Variants in TACR3 observed in about 807,000 individuals in gnomAD.
TACR3 encodes the protein neuromedin-K receptor.
A neutral mutation model predicts 35.0 loss-of-function variants in TACR3; 34 were observed. That is an observed-to-expected ratio of 0.97 (90% CI 0.74 to 1.30). TACR3 has a LOEUF of 1.30. Among genes scored for constraint, TACR3 ranks in the 50% most tolerant of loss-of-function variants. TACR3 has a pLI of 0.00. For missense variants in TACR3, 558 were observed against 591.7 expected (o/e 0.94, Z 0.59); for synonymous variants, 233 against 221.1 (o/e 1.05, Z -0.48).
chr4:103,660,870 C>A (rs1725827363), intron 1 of TACR3, among the ~76,000 whole-genome samples: 1 of 151,758 alleles, frequency 6.6e-6, no homozygotes, highest in African/African-American at 2.4e-5. Context: ...GATTGTTAAC[C>A]ATAACTAGGG....
intron 1 of TACR3, among the ~76,000 whole-genome samples, chr4:103,693,245 TTAATGTA>T (rs1472923426): frequency 1.3e-5 from 2 of 152,190 alleles, no homozygotes; most frequent in African/African-American, 2.4e-5. Flanking sequence ...ATATCACTGA[TTAATGTA>T]TATTCTAAGA....
intron 1 of TACR3, among the ~76,000 whole-genome samples, chr4:103,709,030 T>A (rs181133565): frequency 1.3e-5 from 2 of 152,302 alleles, no homozygotes; most frequent in African/African-American, 4.8e-5. Context: ...CTACCTCTGA[T>A]TGGTGTACCT....
chr4:103,680,923 AC>A, intron 1 of TACR3, among the ~76,000 whole-genome samples: 1 of 151,612 alleles, frequency 6.6e-6, no homozygotes, highest in Non-Finnish European at 1.5e-5. Context: ...TCAAAAGAAA[AC>A]TCTAATTATA....
At chr4:103,686,783 C>A (rs1038203168) in intron 1 of TACR3, among the ~76,000 whole-genome samples, 1 of 152,064 alleles carries the variant, frequency 6.6e-6, no homozygotes. Flanking sequence ...CTTTTTAGGA[C>A]CAGATGGATT....
At chr4:103,672,910 C>T (rs751666731) in intron 1 of TACR3, among the ~76,000 whole-genome samples, 1 of 152,208 alleles carries the variant, frequency 6.6e-6, no homozygotes, top group Non-Finnish European at 1.5e-5. Context: ...AGATAACTTG[C>T]TGCAGCTTTT....
At chr4:103,698,872 C>G (rs1233202731) in intron 1 of TACR3, among the ~76,000 whole-genome samples, 1 of 152,056 alleles carries the variant, frequency 6.6e-6, no homozygotes. Context: ...TTGATCATTG[C>G]ACATTGTATG....
intron 1 of TACR3, among the ~76,000 whole-genome samples, chr4:103,680,418 T>C (rs1008830384): frequency 6.0e-5 from 9 of 150,656 alleles, no homozygotes. Flanking sequence ...TAGAAACCAG[T>C]ATGGAAATTT....
intron 3 of TACR3, among the ~76,000 whole-genome samples, chr4:103,612,462 G>A (rs377525899): frequency 3.0e-4 from 46 of 151,710 alleles, no homozygotes; most frequent in African/African-American, 1.0e-3. Context: ...TGTTTATTTA[G>A]GGGTTATCTT....
chr4:103,621,600 AT>A (rs563731822), intron 3 of TACR3, among the ~76,000 whole-genome samples: 19 of 152,194 alleles, frequency 1.2e-4, no homozygotes, highest in Admixed American at 6.5e-4. Context: ...TTTAGAGTTA[AT>A]TTGAAGGTCC....
intron 1 of TACR3, among the ~76,000 whole-genome samples, chr4:103,717,430 T>C (rs193151353): frequency 6.6e-6 from 1 of 152,078 alleles, no homozygotes; most frequent in African/African-American, 2.4e-5. Flanking sequence ...TTCAAACCAA[T>C]GACTGTAATA....
intron 1 of TACR3, among the ~76,000 whole-genome samples, chr4:103,716,125 G>T (rs540734137): frequency 6.6e-6 from 1 of 152,174 alleles, no homozygotes; most frequent in Non-Finnish European, 1.5e-5. Flanking sequence ...TTTGAGGCAA[G>T]TGTTACATTT....
intron 2 of TACR3, 33 bp from the exon 3 acceptor site, chr4:103,656,377 C>A (rs972712628): frequency 6.2e-7 from 1 of 1,603,968 alleles, no homozygotes; most frequent in African/African-American, 1.3e-5. Context: ...ATGCTGAAGA[C>A]CTTATTGGAA....
chr4:103,693,739 G>T (rs1009466064), intron 1 of TACR3, among the ~76,000 whole-genome samples: 3 of 151,856 alleles, frequency 2.0e-5, no homozygotes, highest in Admixed American at 6.6e-5. Context: ...TAATGCTTTA[G>T]TTATATAGTC....
At chr4:103,604,333 C>T (rs1320540909) in intron 3 of TACR3, among the ~76,000 whole-genome samples, 1 of 152,100 alleles carries the variant, frequency 6.6e-6, no homozygotes, top group Non-Finnish European at 1.5e-5. Flanking sequence ...AACTGGCTAG[C>T]CATATGCAGA....
intron 4 of TACR3, 56 bp downstream of exon 4, chr4:103,591,431 G>C: frequency 6.3e-7 from 1 of 1,587,086 alleles, no homozygotes; most frequent in Non-Finnish European, 8.6e-7. Flanking sequence ...AACATTGTAT[G>C]TTTCCAGTGA....
At chr4:103,614,835 AATC>A (rs1724597637) in intron 3 of TACR3, among the ~76,000 whole-genome samples, 1 of 150,210 alleles carries the variant, frequency 6.7e-6, no homozygotes, top group African/African-American at 2.4e-5. Flanking sequence ...GCTAATTTAT[AATC>A]ATATTTTAAA....
intron 1 of TACR3, among the ~76,000 whole-genome samples, chr4:103,697,724 G>A (rs1258154893): frequency 2.0e-5 from 3 of 152,156 alleles, no homozygotes; most frequent in South Asian, 4.1e-4. Flanking sequence ...GCGCCCAGCC[G>A]GCACTTGTGT....
chr4:103,706,631 A>G (rs563063122), intron 1 of TACR3, among the ~76,000 whole-genome samples: 6 of 152,184 alleles, frequency 3.9e-5, no homozygotes, highest in Admixed American at 2.0e-4. Context: ...AACTGGGGGG[A>G]GCATTGCAAT....
intron 3 of TACR3, among the ~76,000 whole-genome samples, chr4:103,622,585 C>T (rs192922816): frequency 2.2e-4 from 34 of 152,158 alleles, no homozygotes; most frequent in Non-Finnish European, 4.0e-4. Flanking sequence ...CAAAATTAGC[C>T]AGGCGTGGCA....
Sources: allele counts gnomAD v4.1 joint callset (sites outside exome capture counted in the v4.1 genomes callset), GRCh38; gene constraint gnomAD v4.1.1; transcripts MANE v1.5; gene names NCBI Gene and HGNC (gene_info 2026-07-23, HGNC 2026-07-21).